The following PEX5L variants were observed in gnomAD, a reference collection of about 807,000 sequenced individuals.
PEX5L encodes the protein peroxisomal biogenesis factor 5 like.
A neutral mutation model predicts 84.0 loss-of-function variants in PEX5L; 30 were observed. That is an observed-to-expected ratio of 0.36 (90% confidence interval 0.27 to 0.48). PEX5L has a LOEUF of 0.48. Ranked by LOEUF, PEX5L falls within the 20% of genes least tolerant of loss-of-function variation. The pLI is 0.99. For synonymous variants in PEX5L, 270 were observed against 283.1 expected, an observed-to-expected ratio of 0.95 and a Z score of 0.46; for missense variants, 533 against 754.6, an observed-to-expected ratio of 0.71 and a Z score of 3.44.
intron 8 of PEX5L, 42 bp from the exon 9 acceptor site, chr3:179,820,018 T>A (rs1202290848): frequency 1.9e-6 from 3 of 1,612,796 alleles, no homozygotes; most frequent in Non-Finnish European, 2.5e-6. Context: ...TTTAAGAACA[T>A]GCCACATCAT....
At chr3:179,961,322 T>C (rs549605128) in intron 2 of PEX5L, among the ~76,000 whole-genome samples, 55 of 150,444 alleles carry the variant, frequency 3.7e-4, no homozygotes, top group Non-Finnish European at 6.3e-4. Context: ...AATGACAGAA[T>C]TCTAGAGTTG....
At chr3:180,003,323 G>A (rs996095726) in intron 1 of PEX5L, among the ~76,000 whole-genome samples, 1 of 152,010 alleles carries the variant, frequency 6.6e-6, no homozygotes, top group South Asian at 2.1e-4. Context: ...GTGTTTCTGA[G>A]TGAGGAGCAT....
rs532380573 is a variant in PEX5L at position 179,955,652 on chromosome 3, T to C, written c.93+15942A>G. Among the ~76,000 whole-genome samples the C allele has an allele frequency of 3.3e-5, 5 of 152,282 alleles. 1 individual carries two copies. The highest frequency in any genetic ancestry group is 1.3e-4 in the Admixed American group (2 of 15,284). On this transcript the variant is annotated intron_variant, in intron 2 of 14. Transcript: ENST00000467460. ...GATTTTTGCTGTTCTAGGAAAAATA[T>C]TGTGTTCATTTCAGAAAAATAGAAT...
chr3:179,895,644 G>A (rs956855263), intron 3 of PEX5L: 4 of 152,124 alleles, frequency 2.6e-5, no homozygotes, highest in Non-Finnish European at 5.9e-5. Context: ...GTGTAATATA[G>A]ACAGCTCCAC....
rs1718872570 is a variant in PEX5L at position 179,801,620 on chromosome 3, C to A, written c.*208G>T. 3 of 541,100 alleles carry A rather than the reference C, an allele frequency of 5.5e-6. No individual in the cohort carries two copies. Among genetic ancestry groups the A allele is most frequent in the Admixed American group, 6.2e-5 (2 of 32,010 alleles). 33.5% of individuals were successfully genotyped at this position (541,100 alleles called of 1,614,324 possible). A position where few individuals can be genotyped will look rare whatever the true frequency, so the allele number is the denominator to read the frequency against. ...TGAGTCTCTTAATTCTTCTTTTGAGCCTGACTTTGACTCTATATACAACAT... is the reference window on the plus strand; with the variant it reads ...TGAGTCTCTTAATTCTTCTTTTGAGACTGACTTTGACTCTATATACAACAT... On this transcript the variant is annotated 3_prime_UTR_variant, in exon 15 of 15. Coordinates refer to ENST00000467460, the MANE Select transcript of PEX5L (RefSeq NM_016559.3).
intron 3 of PEX5L, among the ~76,000 whole-genome samples, chr3:179,890,102 T>C (rs1012127555): frequency 6.6e-6 from 1 of 152,200 alleles, no homozygotes; most frequent in African/African-American, 2.4e-5. Context: ...GATACATATT[T>C]CCTGGTAGGA....
intron 1 of PEX5L, among the ~76,000 whole-genome samples, chr3:179,997,471 A>G (rs1256910714): frequency 6.6e-6 from 1 of 152,204 alleles, no homozygotes; most frequent in Non-Finnish European, 1.5e-5. Flanking sequence ...GGTGAGGGCT[A>G]TTATGGTGGG....
At chr3:179,917,081 T>C (rs1200059301) in intron 2 of PEX5L, among the ~76,000 whole-genome samples, 1 of 151,344 alleles carries the variant, frequency 6.6e-6, no homozygotes, top group Non-Finnish European at 1.5e-5. Flanking sequence ...TAAGGTTTTT[T>C]CTATTTTTAG....
At chr3:180,022,724 T>C (rs1254790137) in intron 1 of PEX5L, among the ~76,000 whole-genome samples, 2 of 152,194 alleles carry the variant, frequency 1.3e-5, no homozygotes, top group Non-Finnish European at 2.9e-5. Flanking sequence ...TGAGCTCCGA[T>C]TAATCCCATA....
intron 1 of PEX5L, among the ~76,000 whole-genome samples, chr3:180,013,064 T>C (rs1789630719): frequency 6.6e-6 from 1 of 152,216 alleles, no homozygotes; most frequent in Non-Finnish European, 1.5e-5. Flanking sequence ...TATTTCTTTC[T>C]GGATTGAATT....
chr3:179,849,322 CTAAT>C (rs1740862752), intron 8 of PEX5L, among the ~76,000 whole-genome samples: 1 of 152,078 alleles, frequency 6.6e-6, no homozygotes, highest in African/African-American at 2.4e-5. Flanking sequence ...GTTTGAAGTG[CTAAT>C]TATATTTTTA....
intron 2 of PEX5L, among the ~76,000 whole-genome samples, chr3:179,910,399 A>G (rs376523784): frequency 6.6e-6 from 1 of 152,242 alleles, no homozygotes; most frequent in East Asian, 1.9e-4. Flanking sequence ...CTAAATGTGA[A>G]TGCTCCAAGG....
chr3:179,802,065 G>A (rs932514070), intron 14 of PEX5L, 33 bp from the exon 15 acceptor site: 1 of 1,452,516 alleles, frequency 6.9e-7, no homozygotes, highest in Non-Finnish European at 9.7e-7. Flanking sequence ...TTTAAAATGA[G>A]TCACATTTCA....
chr3:179,833,798 C>G (rs1733984628), intron 8 of PEX5L, among the ~76,000 whole-genome samples: 1 of 151,372 alleles, frequency 6.6e-6, no homozygotes, highest in Non-Finnish European at 1.5e-5. Flanking sequence ...ATGGTAAAGT[C>G]TCTCTCTCTC....
intron 2 of PEX5L, among the ~76,000 whole-genome samples, chr3:179,920,529 G>A (rs183842569): frequency 5.9e-5 from 9 of 152,246 alleles, no homozygotes; most frequent in African/African-American, 1.9e-4. Flanking sequence ...TTATATAACA[G>A]GTTAACAGGT....
chr3:179,841,945 A>G (rs1291512500), intron 8 of PEX5L, among the ~76,000 whole-genome samples: 1 of 152,210 alleles, frequency 6.6e-6, no homozygotes, highest in Non-Finnish European at 1.5e-5. Flanking sequence ...GATAAATAGC[A>G]CACAGCATAG....
At chr3:180,035,123 T>G (rs1480994089) in intron 1 of PEX5L, among the ~76,000 whole-genome samples, 1 of 152,206 alleles carries the variant, frequency 6.6e-6, no homozygotes, top group Admixed American at 6.5e-5. Context: ...TTTTGAGGGT[T>G]GACTCTATTA....
chr3:179,978,929 A>G (rs1786054521), intron 1 of PEX5L, among the ~76,000 whole-genome samples: 1 of 152,186 alleles, frequency 6.6e-6, no homozygotes, highest in Non-Finnish European at 1.5e-5. Flanking sequence ...ATTAATTACC[A>G]CATCCTCAAG....
chr3:180,026,908 C>T (rs1231953987), intron 1 of PEX5L, among the ~76,000 whole-genome samples: 1 of 152,056 alleles, frequency 6.6e-6, no homozygotes, highest in East Asian at 1.9e-4. Flanking sequence ...GGAAATTGCC[C>T]ACACTCTCAG....
Sources: allele counts gnomAD v4.1 joint callset (sites outside exome capture counted in the v4.1 genomes callset), GRCh38; gene constraint gnomAD v4.1.1; transcripts MANE v1.5; gene names NCBI Gene and HGNC (gene_info 2026-07-23, HGNC 2026-07-21).